The following AUH variants were observed in gnomAD, a reference collection of about 807,000 sequenced individuals.
The protein encoded by AUH is methylglutaconyl-CoA hydratase, mitochondrial.
AUH carries 29 observed loss-of-function variants against 42.3 expected under a neutral mutation model. The observed-to-expected ratio is 0.69, with a 90% CI of 0.51 to 0.93. The LOEUF is 0.93. AUH is among the 40% of genes least tolerant of loss of function. The pLI is 0.00. For missense variants in AUH, 452 were observed against 438.1 expected (o/e 1.03, Z -0.28); for synonymous variants, 174 against 166.4 (o/e 1.05, Z -0.35).
At chr9:91,242,683 A>G (rs1828586993) in intron 6 of AUH, among the ~76,000 whole-genome samples, 2 of 152,218 alleles carry the variant, frequency 1.3e-5, no homozygotes, top group Admixed American at 6.5e-5. Flanking sequence ...CCATTTCATA[A>G]AAACTGAACT....
At chr9:91,361,401 G>A (rs1343237410) in intron 1 of AUH, among the ~76,000 whole-genome samples, 2 of 152,206 alleles carry the variant, frequency 1.3e-5, no homozygotes, top group Non-Finnish European at 2.9e-5. Context: ...TCACTTTACA[G>A]GTAAGCTGCT....
chr9:91,292,655 G>A (rs1205401692), intron 6 of AUH, among the ~76,000 whole-genome samples: 5 of 151,936 alleles, frequency 3.3e-5, no homozygotes, highest in African/African-American at 4.8e-5. Context: ...TTAAATGCAC[G>A]CATAAAAGCT....
At chr9:91,351,247 A>G (rs1831957099) in intron 3 of AUH, among the ~76,000 whole-genome samples, 1 of 152,200 alleles carries the variant, frequency 6.6e-6, no homozygotes, top group Admixed American at 6.5e-5. Context: ...CTGGGACTAC[A>G]GGTGTGAGCC....
chr9:91,353,687 A>T (rs1380555153), intron 3 of AUH, among the ~76,000 whole-genome samples: 1 of 151,818 alleles, frequency 6.6e-6, no homozygotes, highest in Non-Finnish European at 1.5e-5. Context: ...AAAATATAAA[A>T]ATTAGCCGGG....
chr9:91,336,316 C>A (rs1308415826), intron 3 of AUH, among the ~76,000 whole-genome samples: 1 of 151,870 alleles, frequency 6.6e-6, no homozygotes, highest in Non-Finnish European at 1.5e-5. Flanking sequence ...ATCATTTGAA[C>A]GAAATTGTTA....
intron 6 of AUH, among the ~76,000 whole-genome samples, chr9:91,251,295 G>A (rs1564030652): frequency 6.6e-6 from 1 of 152,138 alleles, no homozygotes; most frequent in Non-Finnish European, 1.5e-5. Flanking sequence ...ATGAAAATGA[G>A]CTCTTCTCTC....
At chr9:91,331,613 T>C (rs1830329233) in intron 3 of AUH, among the ~76,000 whole-genome samples, 1 of 152,230 alleles carries the variant, frequency 6.6e-6, no homozygotes, top group Non-Finnish European at 1.5e-5. Flanking sequence ...AGACAACGCA[T>C]GGAATTGATA....
chr9:91,338,264 T>C (rs1191046250), intron 3 of AUH, among the ~76,000 whole-genome samples: 1 of 152,224 alleles, frequency 6.6e-6, no homozygotes, highest in East Asian at 1.9e-4. Context: ...CGAGGCTTCT[T>C]TCTGAAACGT....
chr9:91,291,336 C>A (rs968212995), intron 6 of AUH, among the ~76,000 whole-genome samples: 1 of 152,168 alleles, frequency 6.6e-6, no homozygotes, highest in Non-Finnish European at 1.5e-5. Flanking sequence ...GGCGGCATGC[C>A]ATCCAACCCA....
intron 4 of AUH, chr9:91,306,359 T>C: frequency 5.1e-6 from 5 of 985,430 alleles, no homozygotes; most frequent in Non-Finnish European, 6.0e-6. Context: ...TTCTGTTGAT[T>C]GCTGTTCCAC....
intron 6 of AUH, among the ~76,000 whole-genome samples, chr9:91,275,786 T>C (rs143548015): frequency 2.0e-5 from 3 of 152,324 alleles, no homozygotes; most frequent in East Asian, 1.9e-4. Flanking sequence ...AAGGAATAAA[T>C]TGATTCCAGG....
intron 6 of AUH, among the ~76,000 whole-genome samples, chr9:91,256,207 T>C (rs986016828): frequency 1.3e-5 from 2 of 152,150 alleles, no homozygotes; most frequent in African/African-American, 2.4e-5. Flanking sequence ...TTTAGTGGCA[T>C]AAAATAACAC....
At chr9:91,331,017 T>C (rs571899979) in intron 3 of AUH, among the ~76,000 whole-genome samples, 15 of 152,176 alleles carry the variant, frequency 9.9e-5, no homozygotes, top group Admixed American at 3.3e-4. Flanking sequence ...GTCCACATTA[T>C]ACTTCAGTTA....
chr9:91,293,761 A>C (rs2131632736), intron 6 of AUH, among the ~76,000 whole-genome samples: 1 of 152,352 alleles, frequency 6.6e-6, no homozygotes, highest in African/African-American at 2.4e-5. Context: ...GCCTACACTG[A>C]ATAACACATC....
intron 6 of AUH, among the ~76,000 whole-genome samples, chr9:91,291,578 T>C (rs968536737): frequency 3.9e-5 from 6 of 152,246 alleles, no homozygotes; most frequent in Non-Finnish European, 5.9e-5. Context: ...AGAGTAAGTA[T>C]ATATTAAATG....
chr9:91,354,567 G>A (rs1832262073), intron 3 of AUH, among the ~76,000 whole-genome samples: 1 of 152,092 alleles, frequency 6.6e-6, no homozygotes, highest in African/African-American at 2.4e-5. Context: ...GAACAAATGG[G>A]CTGCAAAAGA....
chr9:91,317,580 G>T (rs1226841635), intron 4 of AUH, among the ~76,000 whole-genome samples: 3 of 152,058 alleles, frequency 2.0e-5, no homozygotes, highest in Non-Finnish European at 2.9e-5. Context: ...CTTTTTGATG[G>T]AGACAGCCAT....
intron 6 of AUH, among the ~76,000 whole-genome samples, chr9:91,277,582 A>G (rs1825642898): frequency 6.6e-6 from 1 of 152,132 alleles, no homozygotes; most frequent in Non-Finnish European, 1.5e-5. Context: ...TTAGGGAAAA[A>G]ATCTATGTAT....
At chr9:91,325,772 G>T (rs79883029) in intron 3 of AUH, among the ~76,000 whole-genome samples, 13,017 of 152,218 alleles carry the variant, frequency 0.086, 626 homozygotes, top group East Asian at 0.17. Flanking sequence ...ACCCATTAAT[G>T]TTAACATAAA....
Sources: allele counts gnomAD v4.1 joint callset (sites outside exome capture counted in the v4.1 genomes callset), GRCh38; gene constraint gnomAD v4.1.1; transcripts MANE v1.5; gene names NCBI Gene and HGNC (gene_info 2026-07-23, HGNC 2026-07-21).